Variants in RBFOX1 observed in about 807,000 individuals in gnomAD.
RBFOX1 encodes the protein RNA binding fox-1 homolog 1.
Under a neutral mutation model 57.7 loss-of-function variants are expected in RBFOX1, and 8 were observed. The ratio of observed to expected loss-of-function variants is 0.14; its 90% CI spans 0.08 to 0.25. The LOEUF (loss-of-function observed/expected upper bound fraction) is 0.25. Ranked by LOEUF, RBFOX1 falls within the 10% of genes least tolerant of loss-of-function variation. RBFOX1 has a pLI of 1.00. For missense variants in RBFOX1, 611 were observed against 548.5 expected (o/e 1.11, Z -1.14); for synonymous variants, 326 against 222.4 (o/e 1.47, Z -4.15).
intron 3 of RBFOX1, among the ~76,000 whole-genome samples, chr16:6,766,147 A>T (rs1441426127): frequency 6.6e-6 from 1 of 152,160 alleles, no homozygotes; most frequent in African/African-American, 2.4e-5. Flanking sequence ...AAAAATATTT[A>T]AAAAGAAAAA....
intron 1 of RBFOX1, among the ~76,000 whole-genome samples, chr16:6,293,023 C>T (rs962634691): frequency 6.6e-6 from 1 of 152,092 alleles, no homozygotes; most frequent in African/African-American, 2.4e-5. Context: ...ATCTTTCCCC[C>T]ACCTGGAGGA....
At chr16:7,481,296 C>G (rs935032127) in intron 4 of RBFOX1, among the ~76,000 whole-genome samples, 1 of 152,144 alleles carries the variant, frequency 6.6e-6, no homozygotes, top group African/African-American at 2.4e-5. Flanking sequence ...TAATAGAAAT[C>G]GCATTATCTA....
intron 4 of RBFOX1, among the ~76,000 whole-genome samples, chr16:7,141,106 C>T (rs1177802148): frequency 6.6e-6 from 1 of 152,144 alleles, no homozygotes; most frequent in East Asian, 1.9e-4. Context: ...AACCATGAGT[C>T]ATCTTGTGCA....
At chr16:5,867,440 T>G in intron 4 of RBFOX1, 1 of 814,616 alleles carries the variant, frequency 1.2e-6, no homozygotes, top group Non-Finnish European at 1.6e-6. Flanking sequence ...CGTGTTTCAT[T>G]TCCTGGTGGC....
chr16:6,025,682 G>A (rs2095177478), intron 1 of RBFOX1, among the ~76,000 whole-genome samples: 1 of 152,100 alleles, frequency 6.6e-6, no homozygotes, highest in African/African-American at 2.4e-5. Context: ...GGTAGGTGTG[G>A]GCCAGGGTAA....
At chr16:6,699,235 C>T (rs1289020687) in intron 3 of RBFOX1, among the ~76,000 whole-genome samples, 1 of 151,922 alleles carries the variant, frequency 6.6e-6, no homozygotes, top group Non-Finnish European at 1.5e-5. Context: ...ACCACCTTAG[C>T]CTTGAACTCT....
chr16:7,144,475 G>C (rs1057188922), intron 4 of RBFOX1, among the ~76,000 whole-genome samples: 2 of 134,814 alleles, frequency 1.5e-5, no homozygotes, highest in Non-Finnish European at 3.0e-5. Flanking sequence ...CTGGAGTGCA[G>C]TGGTGGCACA....
chr16:6,256,621 AGT>A (rs2097669142), intron 1 of RBFOX1, among the ~76,000 whole-genome samples: 1 of 152,122 alleles, frequency 6.6e-6, no homozygotes, highest in South Asian at 2.1e-4. Flanking sequence ...AGGTGCTGGC[AGT>A]CTCAGCACCA....
intron 4 of RBFOX1, among the ~76,000 whole-genome samples, chr16:7,352,445 C>T (rs1463920764): frequency 6.6e-6 from 1 of 152,156 alleles, no homozygotes; most frequent in African/African-American, 2.4e-5. Context: ...TTGCCTTACT[C>T]AGGTGAATGT....
intron 3 of RBFOX1, among the ~76,000 whole-genome samples, chr16:5,780,430 G>T (rs543645944): frequency 1.3e-5 from 2 of 152,150 alleles, no homozygotes; most frequent in African/African-American, 2.4e-5. Flanking sequence ...TTATTATGTG[G>T]TTGGCATGTA....
intron 4 of RBFOX1, among the ~76,000 whole-genome samples, chr16:5,899,781 G>T (rs1378570471): frequency 6.6e-6 from 1 of 152,150 alleles, no homozygotes; most frequent in African/African-American, 2.4e-5. Flanking sequence ...TATGGCGACA[G>T]TTCCTTTGAT....
chr16:6,484,160 A>G (rs1391207925), intron 2 of RBFOX1, among the ~76,000 whole-genome samples: 1 of 152,180 alleles, frequency 6.6e-6, no homozygotes. Context: ...TTAAGAACCG[A>G]TGTAAAAGTC....
At chr16:7,627,378 C>G (rs1030801012) in intron 10 of RBFOX1, among the ~76,000 whole-genome samples, 1 of 152,030 alleles carries the variant, frequency 6.6e-6, no homozygotes, top group African/African-American at 2.4e-5. Flanking sequence ...TCCGTTCTGG[C>G]TAAAGAATGG....
chr16:7,673,764 T>A (rs377370199), intron 13 of RBFOX1, among the ~76,000 whole-genome samples: 22 of 152,340 alleles, frequency 1.4e-4, no homozygotes, highest in African/African-American at 5.3e-4. Flanking sequence ...TTGCTGCCCA[T>A]CCTGTGAAGA....
At chr16:7,533,882 G>C (rs1601132879) in intron 5 of RBFOX1, among the ~76,000 whole-genome samples, 1 of 152,190 alleles carries the variant, frequency 6.6e-6, no homozygotes, top group South Asian at 2.1e-4. Context: ...AATAGAGCAA[G>C]TAATAATGGT....
chr16:6,896,409 C>A (rs112789711), intron 3 of RBFOX1, among the ~76,000 whole-genome samples: 1 of 152,088 alleles, frequency 6.6e-6, no homozygotes, highest in Admixed American at 6.6e-5. Context: ...AACTCATCAA[C>A]CATCCCTACT....
At chr16:5,677,405 T>A (rs9930196) in intron 3 of RBFOX1, among the ~76,000 whole-genome samples, 1 of 152,170 alleles carries the variant, frequency 6.6e-6, no homozygotes, top group Non-Finnish European at 1.5e-5. Context: ...GGAAAATGAA[T>A]GCACTTTCTA....
chr16:6,295,107 T>G (rs796890993), intron 1 of RBFOX1, among the ~76,000 whole-genome samples: 4 of 19,460 alleles, frequency 2.1e-4, no homozygotes, highest in Non-Finnish European at 7.1e-4. Flanking sequence ...GAGTTTTTTT[T>G]TTTTTTTTTT....
Position 5,711,144 on chromosome 16 carries a change from G to A in RBFOX1, c.318+112183G>A, listed in dbSNP as rs192237677. Among the ~76,000 whole-genome samples, 825 of 152,300 alleles carry A rather than the reference G, an allele frequency of 5.4e-3. 9 individuals carry two copies. The highest frequency in any genetic ancestry group is 0.019 in the African/African-American group (796 of 41,568). ...AGAGATTCTCTGCAGGCATGGGACAGTTTATTAATTTGATGTAGTAAACAC... is the reference window on the plus strand; with the variant it reads ...AGAGATTCTCTGCAGGCATGGGACAATTTATTAATTTGATGTAGTAAACAC... On this transcript the variant is annotated intron_variant, in intron 3 of 19. Coordinates refer to the RBFOX1 transcript ENST00000641259.
Sources: allele counts gnomAD v4.1 joint callset (sites outside exome capture counted in the v4.1 genomes callset), GRCh38; gene constraint gnomAD v4.1.1; transcripts MANE v1.5; gene names NCBI Gene and HGNC (gene_info 2026-07-23, HGNC 2026-07-21).